PRKD1: variants seen among roughly 807,000 people sequenced by gnomAD.
The protein encoded by PRKD1 is protein kinase D1, also known as serine/threonine-protein kinase D1.
Under a neutral mutation model 95.9 loss-of-function variants are expected in PRKD1, and 63 were observed. The observed-to-expected ratio is 0.66, with a 90% confidence interval of 0.54 to 0.81. PRKD1 has a LOEUF of 0.81. Ranked by LOEUF, PRKD1 falls within the 30% of genes least tolerant of loss-of-function variation. The probability of loss-of-function intolerance (pLI) is 0.00; values close to 1 mark genes in which losing one functional copy is unlikely to be tolerated. For synonymous variants in PRKD1, 425 were observed against 423.1 expected, an observed-to-expected ratio of 1.00 and a Z score of -0.05; for missense variants, 1,048 against 1,165.3, an observed-to-expected ratio of 0.90 and a Z score of 1.47.
chr14:29,720,646 G>A (rs949134242), intron 2 of PRKD1, among the ~76,000 whole-genome samples: 5 of 151,910 alleles, frequency 3.3e-5, no homozygotes, highest in Admixed American at 3.3e-4. Flanking sequence ...CGAGCGTGGT[G>A]GTGTGCGCCT....
intron 1 of PRKD1, among the ~76,000 whole-genome samples, chr14:29,782,813 G>C (rs542694956): frequency 1.2e-4 from 18 of 152,274 alleles, no homozygotes; most frequent in Non-Finnish European, 1.3e-4. Context: ...TAAAGTGCCA[G>C]TATTACAGGC....
At chr14:29,665,135 C>T (rs531968312) in intron 3 of PRKD1, among the ~76,000 whole-genome samples, 4 of 152,154 alleles carry the variant, frequency 2.6e-5, no homozygotes, top group South Asian at 2.1e-4. Flanking sequence ...CCATGTACCC[C>T]CTAAATGCCT....
intron 1 of PRKD1, among the ~76,000 whole-genome samples, chr14:29,903,505 C>T (rs1894392512): frequency 6.6e-6 from 1 of 152,082 alleles, no homozygotes; most frequent in Non-Finnish European, 1.5e-5. Flanking sequence ...AATAGAGAAC[C>T]ACATGCCATA....
At chr14:29,599,629 T>A in intron 14 of PRKD1, 27 bp downstream of exon 14, 1 of 1,588,256 alleles carries the variant, frequency 6.3e-7, no homozygotes. Flanking sequence ...AATATTGTAT[T>A]TTTTCCGTCT....
intron 13 of PRKD1, among the ~76,000 whole-genome samples, chr14:29,623,046 A>G (rs779078632): frequency 5.9e-5 from 9 of 152,200 alleles, no homozygotes; most frequent in Non-Finnish European, 8.8e-5. Flanking sequence ...CTGCACCTCA[A>G]TGTTGCCAGT....
At chr14:29,758,246 G>C (rs956426565) in intron 1 of PRKD1, among the ~76,000 whole-genome samples, 1 of 151,994 alleles carries the variant, frequency 6.6e-6, no homozygotes, top group African/African-American at 2.4e-5. Flanking sequence ...AGAAAAAGAG[G>C]GAAGTGGTAA....
rs72142312 is a variant in PRKD1, at chr14:29,616,243, C to CAAAAAAAAAAAAAAA, written c.1905+7894_1905+7908dup. ...GAGCCTTAGAAATCAAGAGTATGGC[C>CAAAAAAAAAAAAAAA]AAAAAAAAAAAAAAAAAAAAAAGCC... On this transcript the variant is annotated intron_variant, in intron 13 of 17. Transcript: ENST00000331968. Among the ~76,000 whole-genome samples, 5 of 33,956 alleles carry CAAAAAAAAAAAAAAA rather than the reference C, an allele frequency of 1.5e-4. 1 individual carries two copies. The highest frequency in any genetic ancestry group is 2.6e-4 in the African/African-American group (2 of 7,834). The allele number at this position is 33,956 out of a possible 152,430, so 22.3% of individuals were successfully genotyped here. A position where few individuals can be genotyped will look rare whatever the true frequency, so the allele number is the denominator to read the frequency against.
intron 1 of PRKD1, among the ~76,000 whole-genome samples, chr14:29,753,403 G>T (rs138859378): frequency 6.6e-6 from 1 of 152,180 alleles, no homozygotes; most frequent in African/African-American, 2.4e-5. Flanking sequence ...CTCTAGGTAA[G>T]AAGTCAACAT....
At chr14:29,917,972 G>A (rs1425048834) in intron 1 of PRKD1, among the ~76,000 whole-genome samples, 10 of 151,612 alleles carry the variant, frequency 6.6e-5, no homozygotes, top group African/African-American at 2.2e-4. Context: ...GTACATGTAC[G>A]GTTTTGTTAC....
At chr14:29,762,063 A>G (rs188753160) in intron 1 of PRKD1, among the ~76,000 whole-genome samples, 1 of 152,190 alleles carries the variant, frequency 6.6e-6, no homozygotes, top group African/African-American at 2.4e-5. Flanking sequence ...TGAGCCACTC[A>G]CTGCACCTGG....
intron 1 of PRKD1, among the ~76,000 whole-genome samples, chr14:29,894,031 A>C (rs1894032682): frequency 1.3e-5 from 2 of 152,248 alleles, no homozygotes; most frequent in Non-Finnish European, 2.9e-5. Context: ...ATTTATACAT[A>C]GTCACACCAC....
intron 1 of PRKD1, among the ~76,000 whole-genome samples, chr14:29,826,804 C>A (rs183567616): frequency 3.0e-5 from 1 of 33,502 alleles, no homozygotes; most frequent in Admixed American, 4.6e-4. Flanking sequence ...TATATATACA[C>A]ATATATATAC....
intron 2 of PRKD1, among the ~76,000 whole-genome samples, chr14:29,709,027 T>C (rs1885217886): frequency 6.6e-6 from 1 of 152,190 alleles, no homozygotes; most frequent in African/African-American, 2.4e-5. Flanking sequence ...TACTGCATGC[T>C]TGGAAATTGT....
At chr14:29,763,518 A>G (rs1344438028) in intron 1 of PRKD1, among the ~76,000 whole-genome samples, 1 of 103,024 alleles carries the variant, frequency 9.7e-6, no homozygotes, top group Non-Finnish European at 2.3e-5. Flanking sequence ...ACACAGAAAA[A>G]GACTAGTAAT....
At chr14:29,730,834 G>T (rs1192356777) in intron 1 of PRKD1, among the ~76,000 whole-genome samples, 1 of 152,088 alleles carries the variant, frequency 6.6e-6, no homozygotes, top group African/African-American at 2.4e-5. Flanking sequence ...GTAGAACAGT[G>T]GTTACTGGGG....
intron 1 of PRKD1, among the ~76,000 whole-genome samples, chr14:29,870,470 T>A (rs1418822763): frequency 6.6e-6 from 1 of 152,168 alleles, no homozygotes; most frequent in African/African-American, 2.4e-5. Context: ...AAAGTGCTAA[T>A]CAATTTCAGC....
intron 4 of PRKD1, among the ~76,000 whole-genome samples, chr14:29,662,722 T>C (rs1179967247): frequency 1.3e-5 from 2 of 152,066 alleles, no homozygotes; most frequent in Non-Finnish European, 1.5e-5. Context: ...CAACTTCTTA[T>C]AGATGTCTTC....
chr14:29,872,738 G>A (rs1350429207), intron 1 of PRKD1, among the ~76,000 whole-genome samples: 1 of 151,460 alleles, frequency 6.6e-6, no homozygotes, highest in Non-Finnish European at 1.5e-5. Context: ...TTTCTACCTG[G>A]TGGTTGCTGT....
chr14:29,600,820 T>C (rs1327573683), intron 13 of PRKD1, among the ~76,000 whole-genome samples: 1 of 151,856 alleles, frequency 6.6e-6, no homozygotes, highest in Non-Finnish European at 1.5e-5. Context: ...CGATCTCTTG[T>C]AATAATGCTT....
Sources: gnomAD v4.1 joint callset for allele counts (sites outside exome capture counted in the v4.1 genomes callset) on GRCh38, gnomAD v4.1.1 for gene constraint, MANE v1.5 for transcripts, NCBI Gene and HGNC (gene_info 2026-07-23, HGNC 2026-07-21) for gene names.